The following CCDC102B variants were observed in gnomAD, a reference collection of about 807,000 sequenced individuals.
CCDC102B encodes the protein coiled-coil domain-containing protein 102B.
CCDC102B carries 75 observed loss-of-function variants against 57.4 expected under a neutral mutation model. That is an observed-to-expected ratio of 1.31 (90% CI 1.08 to 1.58). The LOEUF is 1.58. CCDC102B is among the 40% of genes most tolerant of loss of function. CCDC102B has a pLI of 0.00. For synonymous variants in CCDC102B, 206 were observed against 201.9 expected, an observed-to-expected ratio of 1.02 and a Z score of -0.17; for missense variants, 636 against 582.6, an observed-to-expected ratio of 1.09 and a Z score of -0.94.
At chr18:68,797,424 C>T (rs2035669917), upstream of CCDC102B, among the ~76,000 whole-genome samples, 1 of 151,824 alleles carries the variant, frequency 6.6e-6, no homozygotes, top group African/African-American at 2.4e-5. Flanking sequence ...CTCTCGCCTC[C>T]CCCCTCAACC....
intron 2 of CCDC102B, chr18:68,734,761 T>C (rs981048335): frequency 1.3e-5 from 2 of 152,238 alleles, no homozygotes; most frequent in African/African-American, 4.8e-5. Flanking sequence ...ACAAAGTGTG[T>C]GAAAGGTATG....
intron 7 of CCDC102B, among the ~76,000 whole-genome samples, chr18:69,043,033 T>A (rs2052470490): frequency 6.6e-6 from 1 of 152,114 alleles, no homozygotes; most frequent in Non-Finnish European, 1.5e-5. Flanking sequence ...TTATTGATCA[T>A]TCGTGGGTGT....
chr18:68,738,993 C>CTTATTTTTTT (rs1555695902), intron 2 of CCDC102B, among the ~76,000 whole-genome samples: 1 of 144,976 alleles, frequency 6.9e-6, no homozygotes, highest in Admixed American at 6.9e-5. Context: ...GATGAGCAGC[C>CTTATTTTTTT]TTTTGTTTTT....
At chr18:69,006,722 C>T (rs555349246) in intron 6 of CCDC102B, among the ~76,000 whole-genome samples, 7 of 151,976 alleles carry the variant, frequency 4.6e-5, no homozygotes, top group African/African-American at 1.4e-4. Flanking sequence ...GGATTACAGG[C>T]GTCAGCCACT....
intron 2 of CCDC102B, among the ~76,000 whole-genome samples, chr18:68,738,993 C>T (rs1189668315): frequency 6.9e-6 from 1 of 144,976 alleles, no homozygotes; most frequent in African/African-American, 2.6e-5. Flanking sequence ...GATGAGCAGC[C>T]TTTTGTTTTT....
Position 68,954,384 on chromosome 18 carries a change from C to T in CCDC102B, c.1264-56550C>T, listed in dbSNP as rs1165157997. On this transcript the variant is annotated intron_variant, in intron 6 of 7. Transcript: ENST00000360242. ...GTAGTGAGCCGAGATCATGCCACTGCGCTCCAGCCTGGGTGACAGAGTGAG... is the reference window on the plus strand; with the variant it reads ...GTAGTGAGCCGAGATCATGCCACTGTGCTCCAGCCTGGGTGACAGAGTGAG... Among the ~76,000 whole-genome samples the T allele has an allele frequency of 3.3e-5, 5 of 152,124 alleles. No homozygotes were observed. The East Asian group carries it at 5.8e-4, about 18-fold the overall frequency.
intron 6 of CCDC102B, among the ~76,000 whole-genome samples, chr18:68,922,782 C>A (rs1226348112): frequency 6.6e-6 from 1 of 151,894 alleles, no homozygotes; most frequent in African/African-American, 2.4e-5. Context: ...TTTCATGGAG[C>A]AGGGACACAA....
At chr18:69,012,348 T>C (rs1004752718) in intron 7 of CCDC102B, among the ~76,000 whole-genome samples, 2 of 152,334 alleles carry the variant, frequency 1.3e-5, no homozygotes, top group African/African-American at 4.8e-5. Context: ...CACCTGAGAC[T>C]AAATTATTGG....
chr18:68,764,355 C>A (rs2034356518), intron 2 of CCDC102B, among the ~76,000 whole-genome samples: 1 of 152,104 alleles, frequency 6.6e-6, no homozygotes, highest in Admixed American at 6.6e-5. Flanking sequence ...GTGCAACAAC[C>A]CTATGAGGAA....
At position 68,940,100 on chromosome 18, in the gene CCDC102B, T is replaced by C. The variant is rs369301773; in HGVS notation, c.1263+42672T>C. The stretch of plus-strand genomic sequence containing the variant: ...ATGGTATTTCTGGAGATTAGGGCAA[T>C]ACAGAAGAAATATCTGATGTCACTA... On this transcript the variant is annotated intron_variant, in intron 6 of 7. Coordinates refer to ENST00000360242, the MANE Select transcript of CCDC102B (RefSeq NM_024781.3). Among the ~76,000 whole-genome samples the C allele has an allele frequency of 2.1e-3, 315 of 151,830 alleles. 2 individuals are homozygous for C. The highest frequency in any genetic ancestry group is 7.3e-3 in the African/African-American group (305 of 41,510).
chr18:68,974,097 G>A (rs780518585), intron 6 of CCDC102B, among the ~76,000 whole-genome samples: 1 of 152,078 alleles, frequency 6.6e-6, no homozygotes, highest in Admixed American at 6.6e-5. Flanking sequence ...ACTTTCTCTG[G>A]TCGAAGTCCT....
rs1312052887 is a variant in CCDC102B at position 68,790,391 on chromosome 18, A to C, written c.-66-32975A>C. 7.9e-5 allele frequency among the ~76,000 whole-genome samples: 12 copies of C among 151,988 alleles called. No individual in the cohort carries two copies. In the East Asian group the frequency reaches 1.2e-3, roughly 15 times the overall value. On this transcript the variant is annotated intron_variant, in intron 2 of 3. Transcript: ENST00000578970. The stretch of plus-strand genomic sequence containing the variant: ...AGCTTCTGGGCTGCTTTGTTTACCT[A>C]AGCAAGCCTGGGCAATGGCGGGCGC...
At chr18:68,996,928 T>A (rs2051044078) in intron 6 of CCDC102B, among the ~76,000 whole-genome samples, 1 of 152,202 alleles carries the variant, frequency 6.6e-6, no homozygotes, top group Non-Finnish European at 1.5e-5. Context: ...TGGTAATCTC[T>A]GTAATCCTCA....
intron 6 of CCDC102B, among the ~76,000 whole-genome samples, chr18:68,994,743 G>A (rs181986465): frequency 5.3e-5 from 8 of 152,286 alleles, no homozygotes; most frequent in East Asian, 3.9e-4. Context: ...CAGCCATGCC[G>A]AACTGTGAGC....
intron 6 of CCDC102B, among the ~76,000 whole-genome samples, chr18:68,918,974 G>T (rs1345170012): frequency 6.6e-6 from 1 of 152,012 alleles, no homozygotes; most frequent in Admixed American, 6.6e-5. Flanking sequence ...ATATAAAAGG[G>T]AAAGAAGGGA....
At chr18:69,011,317 C>T in intron 7 of CCDC102B, 2 of 509,010 alleles carry the variant, frequency 3.9e-6, no homozygotes, top group East Asian at 2.9e-5. Context: ...TTTACGAGTG[C>T]TCTATAGTGT....
At chr18:68,836,660 CAA>C (rs56673640) in intron 1 of CCDC102B, 87 bp from the exon 2 acceptor site, 173,581 of 672,334 alleles carry the variant, frequency 0.26, 1,665 homozygotes, top group Middle Eastern at 0.3. Flanking sequence ...CATCAATTTT[CAA>C]AAAAAAAAAA....
intron 6 of CCDC102B, among the ~76,000 whole-genome samples, chr18:68,915,217 G>A (rs1030819589): frequency 1.3e-5 from 2 of 152,214 alleles, no homozygotes; most frequent in African/African-American, 2.4e-5. Context: ...AGTGGCATTG[G>A]CCTTGACAGC....
intron 6 of CCDC102B, among the ~76,000 whole-genome samples, chr18:68,956,400 A>G (rs2049863701): frequency 1.2e-5 from 1 of 80,674 alleles, no homozygotes; most frequent in African/African-American, 6.2e-5. Context: ...ATATATATAA[A>G]TATATTTTAT....
Sources: gnomAD v4.1 joint callset for allele counts (sites outside exome capture counted in the v4.1 genomes callset) on GRCh38, gnomAD v4.1.1 for gene constraint, MANE v1.5 for transcripts, NCBI Gene and HGNC (gene_info 2026-07-23, HGNC 2026-07-21) for gene names.